OR9Q1: variants seen among roughly 807,000 people sequenced by gnomAD.
OR9Q1 encodes the protein olfactory receptor family 9 subfamily Q member 1.
For synonymous variants in OR9Q1, 153 were observed against 148.6 expected (o/e 1.03, Z -0.22); for missense variants, 374 against 378.8 (o/e 0.99, Z 0.11).
intron 2 of OR9Q1, among the ~76,000 whole-genome samples, chr11:58,086,982 G>C (rs964423599): frequency 6.6e-6 from 1 of 151,670 alleles, no homozygotes; most frequent in Non-Finnish European, 1.5e-5. Context: ...TTTCAAAATT[G>C]CTTTAACAAT....
At position 58,080,229 on chromosome 11, in the gene OR9Q1, G is replaced by C. The variant is rs573595472; in HGVS notation, c.-15+24282G>C. ...CAATGTTTAGCTCCCATTTATGCAT[G>C]AGAATATGTGGTATTCAGTTTTTTG... On this transcript the variant is annotated intron_variant, in intron 2 of 2. Transcript: ENST00000335397. 3.9e-5 allele frequency among the ~76,000 whole-genome samples: 6 copies of C among 152,192 alleles called. No individual in the cohort carries two copies. The South Asian group carries it at 1.2e-3, about 32-fold the overall frequency.
chr11:58,080,854 C>T (rs1210937519), intron 2 of OR9Q1, among the ~76,000 whole-genome samples: 1 of 152,144 alleles, frequency 6.6e-6, no homozygotes, highest in East Asian at 1.9e-4. Context: ...AGTTCGGTTA[C>T]ACGTGCACCA....
At chr11:58,084,576 C>G (rs1853617554) in intron 2 of OR9Q1, among the ~76,000 whole-genome samples, 2 of 151,814 alleles carry the variant, frequency 1.3e-5, no homozygotes, top group African/African-American at 2.4e-5. Context: ...AGCAGCACAT[C>G]AAAAAGTTAA....
At chr11:58,091,756 T>G (rs1400802275) in intron 2 of OR9Q1, among the ~76,000 whole-genome samples, 2 of 152,188 alleles carry the variant, frequency 1.3e-5, no homozygotes, top group Non-Finnish European at 2.9e-5. Context: ...AGTTTCCCAG[T>G]ATTACTGTAT....
intron 2 of OR9Q1, among the ~76,000 whole-genome samples, chr11:58,099,252 A>G (rs1237140099): frequency 6.7e-6 from 1 of 148,440 alleles, no homozygotes; most frequent in Non-Finnish European, 1.5e-5. Flanking sequence ...CTTTCTATAA[A>G]TTATATATTT....
intron 2 of OR9Q1, among the ~76,000 whole-genome samples, chr11:58,063,451 G>T (rs994928506): frequency 6.6e-6 from 1 of 152,102 alleles, no homozygotes; most frequent in East Asian, 1.9e-4. Context: ...TTGAACACAT[G>T]CAAAGGATCT....
At position 58,140,302 on chromosome 11, in the gene OR9Q1, T is replaced by A. The variant is rs2119865418; in HGVS notation, c.-14-39129T>A. Among the ~76,000 whole-genome samples, 2 of 152,308 alleles carry A rather than the reference T, an allele frequency of 1.3e-5. 1 individual carries two copies. Among genetic ancestry groups the A allele is most frequent in the East Asian group, 3.9e-4 (2 of 5,172 alleles). ...GCTCTTTAGTTTAATTAGATCCCAT[T>A]TGTCAATTTTGGCTTTTGTTGCCAT... is the stretch of plus-strand genomic sequence containing the variant. On this transcript the variant is annotated intron_variant, in intron 2 of 2. Coordinates refer to ENST00000335397, the MANE Select transcript of OR9Q1 (RefSeq NM_001005212.4).
At position 58,179,898 on chromosome 11, in the gene OR9Q1, G is replaced by C. The variant is rs370535668; in HGVS notation, c.454G>C (p.Gly152Arg). The C allele has an allele frequency of 1.6e-5, 26 of 1,614,140 alleles. No homozygotes were observed. Among genetic ancestry groups the C allele is most frequent in the Non-Finnish European group, 2.2e-5 (26 of 1,180,022 alleles). The change falls in exon 3 of 3, where the codon GGT (glycine) becomes CGT (arginine). Residue 152 changes from glycine (G) to arginine (R), a missense_variant. Coordinates refer to ENST00000335397, the MANE Select transcript of OR9Q1 (RefSeq NM_001005212.4). ...TCTTGTGGCTGGGGCTTACGTTGCT[G>C]GTCTCATCAGTGCCTTGGTGCGGAC... ...LSLVAGAYVA[G>R]LISALVRTVS...
intron 1 of OR9Q1, among the ~76,000 whole-genome samples, chr11:58,037,148 G>A (rs1269654268): frequency 6.6e-6 from 1 of 152,178 alleles, no homozygotes; most frequent in Non-Finnish European, 1.5e-5. Flanking sequence ...ATTGAGGCAA[G>A]TCCCTCTATA....
chr11:58,154,490 G>T, intron 2 of OR9Q1, among the ~76,000 whole-genome samples: 1 of 150,318 alleles, frequency 6.7e-6, no homozygotes, highest in South Asian at 2.1e-4. Context: ...AACTATTATT[G>T]GAGAGGGTTA....
chr11:58,044,928 A>G (rs531514410), intron 1 of OR9Q1: 2 of 152,352 alleles, frequency 1.3e-5, no homozygotes, highest in African/African-American at 4.8e-5. Context: ...TCCAAAATCC[A>G]AAACTTTTTG....
chr11:58,179,559 G>T lies in OR9Q1; in HGVS notation c.115G>T (p.Val39Leu). ...GTTTTTATTTATGTATCTCATCACC[G>T]TATTGGGGAACTTAGAGATGATTAT... is the stretch of plus-strand genomic sequence containing the variant. ...LLFLFMYLIT[V>L]LGNLEMIILI... The change falls in exon 3 of 3, where the codon GTA (valine) becomes TTA (leucine). Residue 39 changes from valine (V) to leucine (L), a missense_variant. Coordinates refer to ENST00000335397, the MANE Select transcript of OR9Q1 (RefSeq NM_001005212.4). The T allele has an allele frequency of 6.2e-7, 1 of 1,613,182 alleles. No individual in the cohort carries two copies.
intron 2 of OR9Q1, among the ~76,000 whole-genome samples, chr11:58,163,771 A>G (rs1397889612): frequency 3.3e-5 from 5 of 152,184 alleles, no homozygotes; most frequent in Non-Finnish European, 7.4e-5. Context: ...CCGTTCTCCC[A>G]GGACACAGCT....
chr11:58,043,010 T>G (rs1468955594), intron 1 of OR9Q1, among the ~76,000 whole-genome samples: 4 of 152,222 alleles, frequency 2.6e-5, no homozygotes, highest in Non-Finnish European at 5.9e-5. Flanking sequence ...TCCTGAGACT[T>G]TGCTGAAGTT....
At chr11:58,098,004 A>G (rs1356710400) in intron 2 of OR9Q1, among the ~76,000 whole-genome samples, 1 of 152,190 alleles carries the variant, frequency 6.6e-6, no homozygotes, top group Non-Finnish European at 1.5e-5. Flanking sequence ...GGAGTGATGG[A>G]TATGTCCTTT....
chr11:58,163,259 A>T (rs1247887364), intron 2 of OR9Q1, among the ~76,000 whole-genome samples: 1 of 152,208 alleles, frequency 6.6e-6, no homozygotes, highest in Non-Finnish European at 1.5e-5. Context: ...CTAACAGTAA[A>T]GTATAAAATT....
chr11:58,048,300 T>A (rs955469601), intron 1 of OR9Q1, among the ~76,000 whole-genome samples: 1 of 152,184 alleles, frequency 6.6e-6, no homozygotes, highest in African/African-American at 2.4e-5. Context: ...CGAATTACCC[T>A]GATTTGATCA....
chr11:58,031,819 C>T lies in OR9Q1; in HGVS notation c.-93+7715C>T, dbSNP rs370059097. ...TCTACTCTGTTGTCACGCCCATGCT[C>T]AATCCTCTCATCTACAGTCTTAGGA... On this transcript the variant is annotated intron_variant, in intron 1 of 2. Coordinates refer to ENST00000335397, the MANE Select transcript of OR9Q1 (RefSeq NM_001005212.4). 1.9e-6 allele frequency: 3 copies of T among 1,614,108 alleles called. No individual in the cohort carries two copies. The South Asian group carries it at 3.3e-5, about 18-fold the overall frequency.
chr11:58,084,272 AC>A (rs1387979860), intron 2 of OR9Q1, among the ~76,000 whole-genome samples: 1 of 151,840 alleles, frequency 6.6e-6, no homozygotes, highest in Non-Finnish European at 1.5e-5. Context: ...ATATTATTAG[AC>A]ATGCTACTGA....
Sources: allele counts gnomAD v4.1 joint callset (sites outside exome capture counted in the v4.1 genomes callset), GRCh38; gene constraint gnomAD v4.1.1; transcripts MANE v1.5; gene names NCBI Gene and HGNC (gene_info 2026-07-23, HGNC 2026-07-21).